MUC5B: variants seen among roughly 807,000 people sequenced by gnomAD.
MUC5B encodes the protein mucin-5B.
A neutral mutation model predicts 376.9 loss-of-function variants in MUC5B; 116 were observed. The ratio of observed to expected loss-of-function variants is 0.31; its 90% CI spans 0.26 to 0.36. MUC5B has a LOEUF of 0.36. Ranked by LOEUF, MUC5B falls within the 10% of genes least tolerant of loss-of-function variation. MUC5B has a pLI of 1.00. For synonymous variants in MUC5B, 3,517 were observed against 3,390.9 expected, an observed-to-expected ratio of 1.04 and a Z score of -1.29; for missense variants, 7,165 against 7,769.9, an observed-to-expected ratio of 0.92 and a Z score of 2.93.
At position 1,250,100 on chromosome 11, in the gene MUC5B, C is replaced by T; in HGVS notation, c.13220C>T (p.Pro4407Leu). Residue 4407 changes from proline (P) to leucine (L), a missense_variant, in exon 31 of 49, where the codon CCC becomes CTC. Pro to Leu is a moderately conservative substitution (Grantham distance 98, BLOSUM62 -3). This residue lies in a region of MUC5B where 431 missense variants were observed against 390.4 expected (regional missense o/e 1.10). Transcript: ENST00000529681. Reference sequence around the variant, plus strand: ...GCCACTACAACTGCAGCCACTGGCCCCACGGCCACCCCGTCCTCCACCCCA... The same window carrying T: ...GCCACTACAACTGCAGCCACTGGCCTCACGGCCACCCCGTCCTCCACCCCA... Reference protein sequence around the residue: ...TAATTTAATGPTATPSSTPGT... With the variant: ...TAATTTAATGLTATPSSTPGT... The T allele has an allele frequency of 1.9e-6, 3 of 1,594,234 alleles. No homozygotes were observed. Among genetic ancestry groups the T allele is most frequent in the South Asian group, 1.1e-5 (1 of 88,266 alleles).
Position 1,248,579 on chromosome 11 carries a change from G to C in MUC5B, c.11699G>C (p.Ser3900Thr). 1 of 1,612,460 alleles carries C rather than the reference G, an allele frequency of 6.2e-7. No homozygotes were observed. The highest frequency in any genetic ancestry group is 8.5e-7 in the Non-Finnish European group (1 of 1,179,312). Residue 3900 changes from serine (S) to threonine (T), a missense_variant, in exon 31 of 49, where the codon AGT becomes ACT. By Grantham distance (58) the Ser-to-Thr change is moderately conservative. Around this residue, in one of 31 missense-constraint regions of MUC5B, gnomAD observed 242 missense variants for 199.0 expected, o/e 1.22. Coordinates refer to ENST00000529681, the MANE Select transcript of MUC5B (RefSeq NM_002458.3). ...AGCACAACCACCACACCCACAACCA[G>C]TGGCTCCACGGTGACCCCCTCCTCC... ...WISTTTTPTT[S>T]GSTVTPSSVP...
chr11:1,232,364 C>T, intron 15 of MUC5B, 86 bp from the exon 16 acceptor site: 1 of 1,461,986 alleles, frequency 6.8e-7, no homozygotes, highest in South Asian at 1.3e-5. Context: ...CTCACTGTTC[C>T]CCGGGCTGAG....
At chr11:1,232,255 G>C (rs1336496865) in intron 15 of MUC5B, 95 bp downstream of exon 15, 1 of 1,439,692 alleles carries the variant, frequency 6.9e-7, no homozygotes, top group Non-Finnish European at 9.3e-7. Flanking sequence ...GGGTGGGATT[G>C]GGGACCCCAT....
In MUC5B at chr11:1,234,700, G is replaced by A; in HGVS notation, c.2630+20G>A. On this transcript the variant is annotated intron_variant, in intron 21 of 48. Coordinates refer to ENST00000529681, the MANE Select transcript of MUC5B (RefSeq NM_002458.3). The surrounding 1 kb of genome is among the most constrained non-coding windows in gnomAD (Gnocchi z 6.3). ...CACCTGGTGGGTCGTGAGTCTCTCG[G>A]AGGCAGCAGGTGGGGAGGGCGGGGG... 2 of 1,463,870 alleles carry A rather than the reference G, an allele frequency of 1.4e-6. No individual in the cohort carries two copies. The highest frequency in any genetic ancestry group is 1.8e-6 in the Non-Finnish European group (2 of 1,101,044). 90.7% of individuals were successfully genotyped at this position (1,463,870 alleles called of 1,614,324 possible). A position where few individuals can be genotyped will look rare whatever the true frequency, so the allele number is the denominator to read the frequency against.
In MUC5B at chr11:1,242,708, C is replaced by A. The variant is rs1279998668; in HGVS notation, c.5828C>A (p.Ala1943Asp). The part of the protein sequence containing the change: ...APPPKVLTTT[A>D]TTPTVTSSKA... ...CCTCCCAAAGTGCTGACCACCACGG[C>A]CACCACACCCACAGTCACCAGCTCC... The change falls in exon 31 of 49, where the codon GCC becomes GAC. Residue 1943 changes from alanine (A) to aspartate (D), a missense_variant. Ala to Asp is a moderately radical substitution (Grantham distance 126). This residue lies in a region of MUC5B where 897 missense variants were observed against 779.6 expected (regional missense o/e 1.15). Transcript: ENST00000529681. 1 of 1,613,290 alleles carries A rather than the reference C, an allele frequency of 6.2e-7. No homozygotes were observed. Among genetic ancestry groups the A allele is most frequent in the East Asian group, 2.2e-5 (1 of 44,894 alleles).
At chr11:1,251,832 C>T in intron 31 of MUC5B, 89 bp downstream of exon 31, 1 of 951,506 alleles carries the variant, frequency 1.1e-6, no homozygotes. Flanking sequence ...GTGGCTTTCT[C>T]CCTGCTGGTC....
chr11:1,251,718 G>T lies in MUC5B; in HGVS notation c.14838G>T (p.Arg4946Ser), dbSNP rs1359847983. ...SSHFSTPCFCRAFGQFFSPGE... is the reference protein window; with the variant it reads ...SSHFSTPCFCSAFGQFFSPGE... ...ACTTCTCTACTCCCTGCTTCTGCAG[G>T]GCATTTGGACAGTTTTTCTCGCCCG... is the stretch of plus-strand genomic sequence containing the variant. The change falls in exon 31 of 49, where the codon AGG becomes AGT. Residue 4946 changes from arginine to serine, a missense_variant. By Grantham distance (110) the Arg-to-Ser change is moderately radical (BLOSUM62 -1). This residue lies in a region of MUC5B where 730 missense variants were observed against 592.7 expected (regional missense o/e 1.23). Transcript: ENST00000529681. 1.2e-6 allele frequency: 2 copies of T among 1,608,466 alleles called. No individual in the cohort carries two copies. The highest frequency in any genetic ancestry group is 3.3e-5 in the Admixed American group (2 of 59,848).
In MUC5B at chr11:1,245,544, G is replaced by A. The variant is rs747239111; in HGVS notation, c.8664G>A (p.Pro2888=). 2.8e-5 allele frequency: 43 copies of A among 1,556,486 alleles called. 1 individual carries two copies. The highest frequency in any genetic ancestry group is 2.3e-4 in the Middle Eastern group (1 of 4,348). ...SEWLDYSYPM[P]GPSGGDFDTY... Reference sequence around the variant, plus strand: ...GGCTGGACTACAGCTACCCCATGCCGGGGCCCTCTGGCGGGGACTTTGACA... The same window carrying A: ...GGCTGGACTACAGCTACCCCATGCCAGGGCCCTCTGGCGGGGACTTTGACA... Residue 2888 remains proline (P), a synonymous_variant, in exon 31 of 49, where the codon CCG becomes CCA. Transcript: ENST00000529681.
At chr11:1,254,942 C>A in intron 35 of MUC5B, 62 bp downstream of exon 35, 2 of 1,515,730 alleles carry the variant, frequency 1.3e-6, no homozygotes, top group Non-Finnish European at 1.8e-6. Flanking sequence ...ACCCAGTGAG[C>A]ATAGGGGAAG....
chr11:1,260,524 G>A, intron 47 of MUC5B, 102 bp from the exon 48 acceptor site: 3 of 1,450,012 alleles, frequency 2.1e-6, no homozygotes, highest in Non-Finnish European at 2.9e-6. Context: ...GGTCCTGGAG[G>A]GCCATGGGAG....
At position 1,244,221 on chromosome 11, in the gene MUC5B, G is replaced by A. The variant is rs1410041672; in HGVS notation, c.7341G>A (p.Glu2447=). 123 of 1,610,156 alleles carry A rather than the reference G, an allele frequency of 7.6e-5. No individual in the cohort carries two copies. The East Asian group carries it at 1.4e-3, about 18-fold the overall frequency. ...TELTTTATTT[E]STGSTATPSS... Reference sequence around the variant, plus strand: ...TGACCACAACAGCCACTACGACTGAGTCCACTGGATCCACGGCCACCCCGT... The same window carrying A: ...TGACCACAACAGCCACTACGACTGAATCCACTGGATCCACGGCCACCCCGT... Residue 2447 remains glutamate, a synonymous_variant, in exon 31 of 49, where the codon GAG becomes GAA. Coordinates refer to ENST00000529681, the MANE Select transcript of MUC5B (RefSeq NM_002458.3).
Position 1,246,087 on chromosome 11 carries a change from C to T in MUC5B, c.9207C>T (p.Ile3069=), listed in dbSNP as rs1393052291. The T allele has an allele frequency of 4.3e-6, 7 of 1,613,010 alleles. No individual in the cohort carries two copies. In the African/African-American group the frequency reaches 8.0e-5, roughly 19 times the overall value. The change falls in exon 31 of 49, where the codon ATC becomes ATT. Residue 3069 remains isoleucine, a synonymous_variant. Transcript: ENST00000529681. ...CCACAGCTACCAGCTTTACACCCATCCCCTCCTTCACCCTTGGGACCACCG... is the reference window on the plus strand; with the variant it reads ...CCACAGCTACCAGCTTTACACCCATTCCCTCCTTCACCCTTGGGACCACCG... The part of the protein sequence containing the change: ...TKSTATSFTP[I]PSFTLGTTGT...
chr11:1,254,157 G>A lies in MUC5B; in HGVS notation c.15283G>A (p.Gly5095Ser). ...TFDGTSYTFR[G>S]NCTYVLMREI... ...TGACGGCACCTCTTACACCTTCCGGGGCAACTGCACCTATGTCCTCATGAG... is the reference window on the plus strand; with the variant it reads ...TGACGGCACCTCTTACACCTTCCGGAGCAACTGCACCTATGTCCTCATGAG... Residue 5095 changes from glycine to serine, a missense_variant, in exon 34 of 49, where the codon GGC becomes AGC. Gly to Ser is a moderately conservative substitution (Grantham distance 56). Coordinates refer to ENST00000529681, the MANE Select transcript of MUC5B (RefSeq NM_002458.3). The A allele has an allele frequency of 1.2e-6, 2 of 1,612,972 alleles. No homozygotes were observed. Among genetic ancestry groups the A allele is most frequent in the Non-Finnish European group, 1.7e-6 (2 of 1,179,854 alleles).
In MUC5B at chr11:1,236,460, G is replaced by A; in HGVS notation, c.2955G>A (p.Lys985=). Residue 985 remains lysine (K), a synonymous_variant, in exon 24 of 49, where the codon AAG becomes AAA. Coordinates refer to ENST00000529681, the MANE Select transcript of MUC5B (RefSeq NM_002458.3). ...GGCCGGGTGGGGACCCACCCTACAA[G>A]ATACGCTACATGGGGATCTTCCTGG... ...ARGPGGDPPY[K]IRYMGIFLVI... 6.2e-7 allele frequency: 1 copy of A among 1,613,050 alleles called. No homozygotes were observed. The highest frequency in any genetic ancestry group is 8.5e-7 in the Non-Finnish European group (1 of 1,179,828).
chr11:1,259,770 G>A lies in MUC5B; in HGVS notation c.16728G>A (p.Lys5576=), dbSNP rs779201390. 1.7e-5 allele frequency: 28 copies of A among 1,612,432 alleles called. No individual in the cohort carries two copies. In the South Asian group the frequency reaches 3.0e-4, roughly 17 times the overall value. ...TGTCCCCACAGGGCTTTGAGTACAA[G>A]AGAGTGGCCGGGCAGTGCTGTGGGG... ...NTTCPQGFEY[K]RVAGQCCGEC... The change falls in exon 45 of 49, where the codon AAG becomes AAA. Residue 5576 remains lysine (K), a synonymous_variant. Transcript: ENST00000529681.
intron 46 of MUC5B, 130 bp downstream of exon 46, chr11:1,260,215 GC>G: frequency 7.2e-7 from 1 of 1,384,490 alleles, no homozygotes; most frequent in Non-Finnish European, 9.8e-7. Flanking sequence ...TGCCTGGGAA[GC>G]CCCACCCCTG....
rs1169131751 is a variant in MUC5B at position 1,230,108 on chromosome 11, G to A, written c.1324G>A (p.Asp442Asn). 5.0e-6 allele frequency: 8 copies of A among 1,611,946 alleles called. No individual in the cohort carries two copies. In the East Asian group the frequency reaches 6.7e-5, roughly 13 times the overall value. ...CTCCACCTATGATGAGAAACTCTAC[G>A]ACCTGCATGGTGACTGCAGCTACGT... The part of the protein sequence containing the change: ...HISTYDEKLY[D>N]LHGDCSYVLS... Residue 442 changes from aspartate to asparagine, a missense_variant, in exon 11 of 49, where the codon GAC becomes AAC. Asp to Asn is a conservative substitution (Grantham distance 23). Transcript: ENST00000529681.
At position 1,245,827 on chromosome 11, in the gene MUC5B, CCCT is replaced by C. The variant is rs545131215; in HGVS notation, c.8953_8955del (p.Ser2985del). On this transcript the variant is annotated inframe_deletion, in exon 31 of 49. Transcript: ENST00000529681. ...CCCGGCCACCAGCTCTACGGCCACG[CCCT>C]CCTCCACTCCAGGGACGACCTGGAT... is the stretch of plus-strand genomic sequence containing the variant. The C allele has an allele frequency of 2.3e-4, 367 of 1,613,530 alleles. 10 individuals are homozygous for C. In the African/African-American group the frequency reaches 3.9e-3, roughly 17 times the overall value.
intron 4 of MUC5B, 29 bp downstream of exon 4, chr11:1,226,905 G>T (rs374663807): frequency 4.4e-6 from 7 of 1,599,868 alleles, no homozygotes; most frequent in Non-Finnish European, 6.0e-6. Flanking sequence ...GGAGGGGCGA[G>T]GGCCGGGCCA....
Sources: gnomAD v4.1 joint callset for allele counts on GRCh38, gnomAD v4.1.1 for gene constraint, gnomAD v4.1.1 regional missense constraint, Gnocchi (gnomAD v3.1) non-coding constraint, MANE v1.5 for transcripts, NCBI Gene and HGNC (gene_info 2026-07-23, HGNC 2026-07-21) for gene names.